TTC29: variants seen among roughly 807,000 people sequenced by gnomAD.
TTC29 encodes tetratricopeptide repeat protein 29.
In TTC29, 49 loss-of-function variants were observed where a neutral mutation model predicts 58.1. The observed-to-expected ratio is 0.84, with a 90% confidence interval of 0.67 to 1.07. The LOEUF (loss-of-function observed/expected upper bound fraction) is 1.07, where lower values mean the gene tolerates loss of function less well. TTC29 is among the 50% of genes least tolerant of loss of function. The pLI is 0.00. For missense variants in TTC29, 582 were observed against 555.6 expected, an observed-to-expected ratio of 1.05 and a Z score of -0.48; for synonymous variants, 209 against 196.8, an observed-to-expected ratio of 1.06 and a Z score of -0.52.
At chr4:146,742,841 G>A (rs1745265877) in intron 11 of TTC29, among the ~76,000 whole-genome samples, 1 of 149,834 alleles carries the variant, frequency 6.7e-6, no homozygotes, top group Admixed American at 6.7e-5. Flanking sequence ...TTAGAATGAA[G>A]TAAAGATTAG....
At chr4:146,737,404 C>T (rs1744785098) in intron 11 of TTC29, among the ~76,000 whole-genome samples, 1 of 152,120 alleles carries the variant, frequency 6.6e-6, no homozygotes, top group South Asian at 2.1e-4. Context: ...TATGGGGGCA[C>T]TGCAGCAGTG....
intron 11 of TTC29, among the ~76,000 whole-genome samples, chr4:146,782,551 C>A (rs1480635220): frequency 6.6e-6 from 1 of 151,824 alleles, no homozygotes; most frequent in African/African-American, 2.4e-5. Context: ...TTAGGGCATA[C>A]CACATTCAAT....
At chr4:146,764,548 GA>G (rs891813345) in intron 11 of TTC29, among the ~76,000 whole-genome samples, 3 of 151,490 alleles carry the variant, frequency 2.0e-5, no homozygotes, top group Non-Finnish European at 2.9e-5. Flanking sequence ...ATTTTAAAAA[GA>G]AAAAAAACCT....
intron 4 of TTC29, among the ~76,000 whole-genome samples, chr4:146,922,890 A>C (rs1734688426): frequency 6.6e-6 from 1 of 151,866 alleles, no homozygotes; most frequent in South Asian, 2.1e-4. Flanking sequence ...CTTATTTTTT[A>C]AAATAACAAT....
chr4:146,870,884 A>C (rs985418337), intron 7 of TTC29, among the ~76,000 whole-genome samples: 2 of 152,052 alleles, frequency 1.3e-5, no homozygotes, highest in East Asian at 3.8e-4. Context: ...AGCCAGGCTC[A>C]GATGATTTCA....
chr4:146,841,220 A>T (rs1201945546), intron 8 of TTC29, among the ~76,000 whole-genome samples: 1 of 152,112 alleles, frequency 6.6e-6, no homozygotes, highest in Non-Finnish European at 1.5e-5. Context: ...CGCATTCAAG[A>T]TGGTGCAGGT....
intron 4 of TTC29, among the ~76,000 whole-genome samples, chr4:146,933,004 G>T (rs1479160397): frequency 1.3e-5 from 2 of 151,694 alleles, no homozygotes; most frequent in Non-Finnish European, 2.9e-5. Context: ...CTTGCAGTGA[G>T]CTGAGATCGC....
intron 6 of TTC29, among the ~76,000 whole-genome samples, chr4:146,876,137 CTTACT>C (rs1161335917): frequency 6.6e-6 from 1 of 152,138 alleles, no homozygotes; most frequent in African/African-American, 2.4e-5. Flanking sequence ...CTCTCTGTGC[CTTACT>C]TTATTCTTCT....
chr4:146,855,334 G>A (rs1363848964), intron 8 of TTC29, among the ~76,000 whole-genome samples: 2 of 152,202 alleles, frequency 1.3e-5, no homozygotes, highest in Non-Finnish European at 2.9e-5. Flanking sequence ...TCTGGAGGTT[G>A]AGGAAGGAGA....
intron 8 of TTC29, among the ~76,000 whole-genome samples, chr4:146,843,961 TAAC>T (rs1729008799): frequency 6.6e-6 from 1 of 152,194 alleles, no homozygotes; most frequent in Non-Finnish European, 1.5e-5. Flanking sequence ...AAAGCTCAAT[TAAC>T]AATACTATTT....
chr4:146,917,289 T>C (rs960499503), intron 4 of TTC29, among the ~76,000 whole-genome samples: 4 of 149,712 alleles, frequency 2.7e-5, no homozygotes, highest in Non-Finnish European at 4.5e-5. Context: ...TTAAAGAATA[T>C]TGAACATATA....
At chr4:146,939,013 T>C (rs907792501) in intron 3 of TTC29, among the ~76,000 whole-genome samples, 4 of 152,216 alleles carry the variant, frequency 2.6e-5, no homozygotes, top group African/African-American at 4.8e-5. Flanking sequence ...CAGCCATTCA[T>C]GGGCAGCAGC....
chr4:146,809,364 A>G (rs1750853330), intron 10 of TTC29, among the ~76,000 whole-genome samples: 1 of 150,202 alleles, frequency 6.7e-6, no homozygotes, highest in Admixed American at 6.8e-5. Context: ...AAGCAATGGC[A>G]ACAAAAGCCA....
intron 11 of TTC29, among the ~76,000 whole-genome samples, chr4:146,740,404 A>G (rs867897483): frequency 3.3e-5 from 5 of 152,286 alleles, no homozygotes; most frequent in South Asian, 2.1e-4. Flanking sequence ...ATAACAGGGA[A>G]TGGGTTGAAA....
At chr4:146,920,860 G>A (rs547002497) in intron 4 of TTC29, among the ~76,000 whole-genome samples, 7 of 151,260 alleles carry the variant, frequency 4.6e-5, no homozygotes, top group Admixed American at 2.0e-4. Context: ...AATACCTTAA[G>A]AGAAATGTCA....
At chr4:146,868,882 T>TTGGTGCCATCCTTATGGTAACGA (rs1198056706) in intron 7 of TTC29, among the ~76,000 whole-genome samples, 2 of 152,076 alleles carry the variant, frequency 1.3e-5, no homozygotes, top group Non-Finnish European at 2.9e-5. Flanking sequence ...CATGAATGTC[T>TTGGTGCCATCCTTATGGTAACGA]TGGTGCCATC....
intron 6 of TTC29, among the ~76,000 whole-genome samples, chr4:146,894,111 A>G (rs1301396282): frequency 2.0e-5 from 3 of 152,216 alleles, no homozygotes; most frequent in Non-Finnish European, 4.4e-5. Context: ...CCATTGTGGA[A>G]GTCAATATGG....
At chr4:146,843,397 A>G (rs1728972648) in intron 8 of TTC29, among the ~76,000 whole-genome samples, 1 of 152,182 alleles carries the variant, frequency 6.6e-6, no homozygotes, top group Non-Finnish European at 1.5e-5. Context: ...CCTTATAATT[A>G]TTAATATTGA....
intron 6 of TTC29, among the ~76,000 whole-genome samples, chr4:146,877,796 G>T (rs1301924696): frequency 6.6e-6 from 1 of 152,140 alleles, no homozygotes; most frequent in Non-Finnish European, 1.5e-5. Context: ...TTCCAGAATA[G>T]ATATGGATCA....
Sources: allele counts gnomAD v4.1 joint callset (sites outside exome capture counted in the v4.1 genomes callset), GRCh38; gene constraint gnomAD v4.1.1; transcripts MANE v1.5; gene names NCBI Gene and HGNC (gene_info 2026-07-23, HGNC 2026-07-21).